ARHGAP25: variants seen among roughly 807,000 people sequenced by gnomAD.
ARHGAP25 encodes the protein rho GTPase-activating protein 25.
Under a neutral mutation model 71.0 loss-of-function variants are expected in ARHGAP25, and 34 were observed. That is an observed-to-expected ratio of 0.48 (90% CI 0.36 to 0.64). The LOEUF (loss-of-function observed/expected upper bound fraction) is 0.64, where lower values mean the gene tolerates loss of function less well. Ranked by LOEUF, ARHGAP25 falls within the 30% of genes least tolerant of loss-of-function variation. The pLI, the probability that ARHGAP25 is intolerant of heterozygous loss-of-function variation, is 0.00. For missense variants in ARHGAP25, 706 were observed against 805.1 expected (o/e 0.88, Z 1.49); for synonymous variants, 282 against 296.5 (o/e 0.95, Z 0.50).
intron 1 of ARHGAP25, among the ~76,000 whole-genome samples, chr2:68,746,783 G>GATCA (rs1244031802): frequency 6.6e-6 from 1 of 151,934 alleles, no homozygotes; most frequent in Non-Finnish European, 1.5e-5. Context: ...GAGGCAGGAG[G>GATCA]ATCACCTGAG....
chr2:68,734,006 C>T (rs1269626574), upstream of ARHGAP25, among the ~76,000 whole-genome samples: 2 of 152,202 alleles, frequency 1.3e-5, no homozygotes, highest in Admixed American at 1.3e-4. Flanking sequence ...TACCAGTGAT[C>T]TGTTTCCAGG....
Position 68,813,375 on chromosome 2 carries a change from G to A in ARHGAP25, c.763G>A (p.Gly255Arg), listed in dbSNP as rs779296785. 22 of 1,613,592 alleles carry A rather than the reference G, an allele frequency of 1.4e-5. No homozygotes were observed. The East Asian group carries it at 4.7e-4, about 34-fold the overall frequency. ...EPVVPWSQYE[G>R]FLLCGQLTNA... ...CGTGGTTCCCTGGAGCCAGTACGAA[G>A]GGTTCCTGCTCTGTGGGCAGCTCAC... The change falls in exon 6 of 11, where the codon GGG becomes AGG. Residue 255 changes from glycine (G) to arginine (R), a missense_variant. Gly to Arg is a moderately radical substitution (Grantham distance 125). Coordinates refer to ENST00000409202, the MANE Select transcript of ARHGAP25 (RefSeq NM_001007231.3).
In ARHGAP25 at chr2:68,775,288, G is replaced by A. The variant is rs773557039; in HGVS notation, c.129G>A (p.Pro43=). ...AAFHPSSTPN[P]LERPIKMGWL... is the part of the protein sequence containing the mutation. ...TCCATCCATCGTCCACCCCCAACCC[G>A]CTGGAGAGGCCCATCAAGATGGGCT... The change falls in exon 2 of 11, where the codon CCG becomes CCA. Residue 43 remains proline (P), a synonymous_variant. Coordinates refer to ENST00000409202, the MANE Select transcript of ARHGAP25 (RefSeq NM_001007231.3). 9 of 1,614,098 alleles carry A rather than the reference G, an allele frequency of 5.6e-6. No homozygotes were observed. Among genetic ancestry groups the A allele is most frequent in the Admixed American group, 3.3e-5 (2 of 60,012 alleles).
At chr2:68,788,892 G>C (rs997314889) in intron 4 of ARHGAP25, among the ~76,000 whole-genome samples, 1 of 152,094 alleles carries the variant, frequency 6.6e-6, no homozygotes, top group African/African-American at 2.4e-5. Flanking sequence ...GAAATTTCAA[G>C]AATATCACAA....
intron 1 of ARHGAP25, among the ~76,000 whole-genome samples, chr2:68,749,020 C>T (rs751825150): frequency 3.3e-5 from 5 of 151,190 alleles, no homozygotes; most frequent in African/African-American, 4.9e-5. Context: ...TGATTAGAGG[C>T]GAGGATGGGC....
intron 2 of ARHGAP25, among the ~76,000 whole-genome samples, chr2:68,716,571 C>T (rs950601071): frequency 6.6e-6 from 1 of 152,140 alleles, no homozygotes; most frequent in African/African-American, 2.4e-5. Context: ...ATCTTTCTCT[C>T]TAAGAAGATG....
intron 1 of ARHGAP25, among the ~76,000 whole-genome samples, chr2:68,757,911 A>T (rs1476488668): frequency 6.6e-6 from 1 of 152,098 alleles, no homozygotes; most frequent in African/African-American, 2.4e-5. Context: ...TTGTGGAGAC[A>T]TGAAAAATTA....
At chr2:68,745,128 A>G (rs535079579) in intron 1 of ARHGAP25, among the ~76,000 whole-genome samples, 1 of 152,272 alleles carries the variant, frequency 6.6e-6, no homozygotes, top group South Asian at 2.1e-4. Flanking sequence ...CACTTCTTTG[A>G]CTTTGGGCAA....
At chr2:68,821,913 T>G (rs1358170852) in intron 9 of ARHGAP25, among the ~76,000 whole-genome samples, 2 of 150,134 alleles carry the variant, frequency 1.3e-5, no homozygotes, top group Non-Finnish European at 3.0e-5. Context: ...CTAGTTTTTT[T>G]TTTTTTTTTT....
At chr2:68,743,222 G>A (rs1675610475) in intron 1 of ARHGAP25, among the ~76,000 whole-genome samples, 1 of 152,174 alleles carries the variant, frequency 6.6e-6, no homozygotes, top group Non-Finnish European at 1.5e-5. Context: ...CTCCAGAGCT[G>A]CCCACCATCT....
At position 68,767,678 on chromosome 2, in the gene ARHGAP25, A is replaced by G. The variant is rs999776725; in HGVS notation, c.62-7543A>G. On this transcript the variant is annotated intron_variant, in intron 1 of 10. Coordinates refer to ENST00000409202, the MANE Select transcript of ARHGAP25 (RefSeq NM_001007231.3). The surrounding 1 kb of genome is among the most constrained non-coding windows in gnomAD (Gnocchi z 4.6). ...GTCTCTCCACATGAGCTTGGGTAGC[A>G]GCTGGTAAGACGTGGCAGGATTACC... is the stretch of plus-strand genomic sequence containing the variant. Among the ~76,000 whole-genome samples the G allele has an allele frequency of 2.0e-5, 3 of 152,146 alleles. No homozygotes were observed. The highest frequency in any genetic ancestry group is 7.2e-5 in the African/African-American group (3 of 41,432).
chr2:68,744,799 A>G (rs1005601195), intron 1 of ARHGAP25, among the ~76,000 whole-genome samples: 1 of 152,188 alleles, frequency 6.6e-6, no homozygotes, highest in African/African-American at 2.4e-5. Flanking sequence ...CCACCAATAA[A>G]TGTGGTCTAT....
At chr2:68,816,160 A>T in intron 6 of ARHGAP25, 129 bp from the exon 7 acceptor site, 1 of 795,802 alleles carries the variant, frequency 1.3e-6, no homozygotes, top group Non-Finnish European at 2.2e-6. Context: ...ACAGAACTAC[A>T]GGAACAGGAA....
At chr2:68,799,970 G>A (rs997080405) in intron 4 of ARHGAP25, among the ~76,000 whole-genome samples, 2 of 152,196 alleles carry the variant, frequency 1.3e-5, no homozygotes, top group African/African-American at 4.8e-5. Flanking sequence ...TGGGAACTGG[G>A]CTGTGGCTTT....
At chr2:68,765,376 C>T (rs1218391588) in intron 1 of ARHGAP25, among the ~76,000 whole-genome samples, 1 of 150,790 alleles carries the variant, frequency 6.6e-6, no homozygotes, top group Non-Finnish European at 1.5e-5. Context: ...AAAAAAAACC[C>T]AACAAGCCTA....
At chr2:68,759,011 A>G (rs543656208) in intron 1 of ARHGAP25, among the ~76,000 whole-genome samples, 2 of 152,090 alleles carry the variant, frequency 1.3e-5, no homozygotes, top group East Asian at 1.9e-4. Flanking sequence ...CAAACAATAG[A>G]TCAAGGAAGA....
At chr2:68,794,183 T>C (rs1679380308) in intron 4 of ARHGAP25, among the ~76,000 whole-genome samples, 1 of 152,116 alleles carries the variant, frequency 6.6e-6, no homozygotes, top group African/African-American at 2.4e-5. Context: ...GTCTTTAGGT[T>C]TTTCTAGATA....
In ARHGAP25 at chr2:68,822,730, A is replaced by G. The variant is rs1558667824; in HGVS notation, c.1591A>G (p.Thr531Ala). Residue 531 changes from threonine (T) to alanine (A), a missense_variant, in exon 10 of 11, where the codon ACT (threonine) becomes GCT (alanine). Coordinates refer to ENST00000409202, the MANE Select transcript of ARHGAP25 (RefSeq NM_001007231.3). ...SSQACDSKGDTLASPNSETGP... is the reference protein window; with the variant it reads ...SSQACDSKGDALASPNSETGP... ...CCAAGCCTGTGACTCCAAGGGAGAT[A>G]CTCTTGCCAGTCCAAACTCTGAAAC... 1 of 1,614,118 alleles carries G rather than the reference A, an allele frequency of 6.2e-7. No homozygotes were observed. The highest frequency in any genetic ancestry group is 8.5e-7 in the Non-Finnish European group (1 of 1,180,026).
At chr2:68,775,166 T>G (rs952599391) in intron 1 of ARHGAP25, 55 bp from the exon 2 acceptor site, 2 of 1,613,874 alleles carry the variant, frequency 1.2e-6, no homozygotes, top group African/African-American at 1.3e-5. Flanking sequence ...CCGCCCACTC[T>G]TTGCTCACTG....
Sources: allele counts gnomAD v4.1 joint callset (sites outside exome capture counted in the v4.1 genomes callset), GRCh38; gene constraint gnomAD v4.1.1; non-coding constraint Gnocchi (gnomAD v3.1); transcripts MANE v1.5; gene names NCBI Gene and HGNC (gene_info 2026-07-23, HGNC 2026-07-21).